HTR7: variants seen among roughly 807,000 people sequenced by gnomAD.
The protein encoded by HTR7 is 5-hydroxytryptamine receptor 7, also known as 5-HT-7.
In HTR7, 16 loss-of-function variants were observed where a neutral mutation model predicts 34.0. The observed-to-expected ratio is 0.47, with a 90% CI of 0.32 to 0.71. The LOEUF is 0.71. Among genes scored for constraint, HTR7 ranks in the 30% least tolerant of loss-of-function variants. The pLI is 0.04. For synonymous variants in HTR7, 265 were observed against 260.2 expected (o/e 1.02, Z -0.18); for missense variants, 504 against 625.5 (o/e 0.81, Z 2.07).
intron 1 of HTR7, among the ~76,000 whole-genome samples, chr10:90,797,539 C>T (rs1230059007): frequency 6.6e-6 from 1 of 152,172 alleles, no homozygotes; most frequent in African/African-American, 2.4e-5. Context: ...ACTTGAAGGC[C>T]TCTTTTCCAT....
intron 1 of HTR7, among the ~76,000 whole-genome samples, chr10:90,802,635 A>C (rs532414597): frequency 6.6e-6 from 1 of 152,270 alleles, no homozygotes; most frequent in African/African-American, 2.4e-5. Context: ...ATAGCGTTAT[A>C]GCTAGCCTTA....
rs536217524 is a variant in HTR7 at position 90,854,756 on chromosome 10, A to T, written c.539+2377T>A. Among the ~76,000 whole-genome samples, 260 of 152,334 alleles carry T rather than the reference A, an allele frequency of 1.7e-3. 2 individuals are homozygous for T. The highest frequency in any genetic ancestry group is 6.0e-3 in the African/African-American group (251 of 41,586). ...TGAAAGGTTCCATTTTAGACAGGCTAAATGCCCAACAGATATCCAAACTCT... is the reference window on the plus strand; with the variant it reads ...TGAAAGGTTCCATTTTAGACAGGCTTAATGCCCAACAGATATCCAAACTCT... On this transcript the variant is annotated intron_variant, in intron 1 of 3. Coordinates refer to ENST00000336152, the MANE Select transcript of HTR7 (RefSeq NM_019859.4).
rs375798993 is a variant in HTR7 at position 90,772,608 on chromosome 10, AGT to A, written c.540-23016_540-23015del. Among the ~76,000 whole-genome samples, 8 of 152,090 alleles carry A rather than the reference AGT, an allele frequency of 5.3e-5. No individual in the cohort carries two copies. The South Asian group carries it at 1.0e-3, about 20-fold the overall frequency. On this transcript the variant is annotated intron_variant, in intron 1 of 3. Coordinates refer to ENST00000336152, the MANE Select transcript of HTR7 (RefSeq NM_019859.4). ...CTAATAAACTTACCGTCCATTTCTAAGTGTGTGTGTGTGGTGAGGGCGTCATA... is the reference window on the plus strand; with the variant it reads ...CTAATAAACTTACCGTCCATTTCTAAGTGTGTGTGTGGTGAGGGCGTCATA...
At chr10:90,838,476 G>A (rs1212767963) in intron 1 of HTR7, among the ~76,000 whole-genome samples, 1 of 152,134 alleles carries the variant, frequency 6.6e-6, no homozygotes, top group Non-Finnish European at 1.5e-5. Context: ...TGGTCTCCAA[G>A]TTTTCATTCT....
rs1353376187 is a variant in HTR7 at position 90,857,764 on chromosome 10, C to T, written c.-93G>A. On this transcript the variant is annotated 5_prime_UTR_variant, in exon 1 of 4. Transcript: ENST00000336152. This position sits in a 1 kb window ranked among gnomAD's most constrained non-coding sequence, Gnocchi z 6.5. ...GGGCTTCACCTCACCGGTTCCGCTC[C>T]GCCCGGCCCAGCCATGGGGCCCGCG... The T allele has an allele frequency of 6.3e-6, 8 of 1,277,480 alleles. No homozygotes were observed. Among genetic ancestry groups the T allele is most frequent in the Non-Finnish European group, 8.1e-6 (8 of 993,244 alleles). 79.1% of individuals were successfully genotyped at this position (1,277,480 alleles called of 1,614,324 possible).
At chr10:90,787,297 G>A (rs926254920) in intron 1 of HTR7, among the ~76,000 whole-genome samples, 1 of 152,076 alleles carries the variant, frequency 6.6e-6, no homozygotes, top group African/African-American at 2.4e-5. Context: ...AGACCATCCT[G>A]GGCAATATGG....
chr10:90,804,710 C>T (rs1339873170), intron 1 of HTR7, among the ~76,000 whole-genome samples: 1 of 152,200 alleles, frequency 6.6e-6, no homozygotes, highest in Non-Finnish European at 1.5e-5. Context: ...GGTTAGCAGT[C>T]AGCTTCATTA....
intron 1 of HTR7, among the ~76,000 whole-genome samples, chr10:90,766,056 A>G (rs1037430113): frequency 1.3e-5 from 2 of 152,146 alleles, no homozygotes; most frequent in Admixed American, 6.5e-5. Flanking sequence ...AGTTCTGCTC[A>G]TATCTGGGGT....
chr10:90,796,726 A>C (rs777094562), intron 1 of HTR7, among the ~76,000 whole-genome samples: 23 of 152,156 alleles, frequency 1.5e-4, no homozygotes, highest in Admixed American at 3.3e-4. Context: ...ATGATTAAAA[A>C]ACAGACAAGG....
At chr10:90,773,459 TACAA>T (rs35209059) in intron 1 of HTR7, among the ~76,000 whole-genome samples, 34,806 of 151,988 alleles carry the variant, frequency 0.23, 4,198 homozygotes, top group African/African-American at 0.31. Flanking sequence ...TCTTTTGTGT[TACAA>T]ACAATCTACT....
At chr10:90,757,495 A>G (rs1334724035) in intron 1 of HTR7, among the ~76,000 whole-genome samples, 2 of 152,226 alleles carry the variant, frequency 1.3e-5, no homozygotes, top group African/African-American at 4.8e-5. Flanking sequence ...GAGTATTCAG[A>G]GTAAAGAGTA....
chr10:90,797,149 C>T (rs1006688106), intron 1 of HTR7, among the ~76,000 whole-genome samples: 1 of 152,130 alleles, frequency 6.6e-6, no homozygotes, highest in Non-Finnish European at 1.5e-5. Context: ...ATTTCTCCAA[C>T]ACTGGGTCCA....
chr10:90,793,009 T>C (rs1337310975), intron 1 of HTR7, among the ~76,000 whole-genome samples: 2 of 152,060 alleles, frequency 1.3e-5, no homozygotes, highest in African/African-American at 4.8e-5. Flanking sequence ...TTCTTGGATA[T>C]GACACCAAAG....
Position 90,857,577 on chromosome 10 carries a change from C to A in HTR7, c.95G>T (p.Ser32Ile), listed in dbSNP as rs1430164737. ...PEVGRGLPDLSPDGGADPVAG... is the reference protein window; with the variant it reads ...PEVGRGLPDLIPDGGADPVAG... Reference sequence around the variant, plus strand: ...GACCGGGTCGGCGCCACCGTCGGGGCTCAAGTCGGGCAGCCCGCGCCCCAC... The same window carrying A: ...GACCGGGTCGGCGCCACCGTCGGGGATCAAGTCGGGCAGCCCGCGCCCCAC... The change falls in exon 1 of 4, where the codon AGC becomes ATC. Residue 32 changes from serine to isoleucine, a missense_variant. Coordinates refer to ENST00000336152, the MANE Select transcript of HTR7 (RefSeq NM_019859.4). The surrounding 1 kb of genome is among the most constrained non-coding windows in gnomAD (Gnocchi z 6.5). The A allele has an allele frequency of 3.1e-6, 5 of 1,595,040 alleles. No homozygotes were observed. In the Admixed American group the frequency reaches 5.2e-5, roughly 17 times the overall value.
intron 2 of HTR7, among the ~76,000 whole-genome samples, chr10:90,745,261 A>G (rs1011059849): frequency 6.6e-6 from 1 of 152,170 alleles, no homozygotes; most frequent in Non-Finnish European, 1.5e-5. Context: ...AATAGATTCC[A>G]TGTCTGGTGA....
intron 1 of HTR7, among the ~76,000 whole-genome samples, chr10:90,753,862 G>C (rs753297703): frequency 3.9e-5 from 6 of 151,912 alleles, no homozygotes; most frequent in African/African-American, 1.5e-4. Flanking sequence ...ATAAGTAATA[G>C]AATATCATAT....
chr10:90,754,882 A>G (rs1046945723), intron 1 of HTR7, among the ~76,000 whole-genome samples: 5 of 152,234 alleles, frequency 3.3e-5, no homozygotes, highest in Admixed American at 2.6e-4. Context: ...AAGCGTTCAC[A>G]CACTTAGAAC....
chr10:90,850,099 AG>A (rs1387778292), intron 1 of HTR7, among the ~76,000 whole-genome samples: 1 of 152,248 alleles, frequency 6.6e-6, no homozygotes, highest in African/African-American at 2.4e-5. Context: ...GAGAGGCAAA[AG>A]TCAGAGGCCT....
At chr10:90,796,667 G>A (rs1258789952) in intron 1 of HTR7, among the ~76,000 whole-genome samples, 1 of 152,108 alleles carries the variant, frequency 6.6e-6, no homozygotes, top group East Asian at 1.9e-4. Context: ...AGCTATGATT[G>A]TGCCACTAGA....
Sources: allele counts gnomAD v4.1 joint callset (sites outside exome capture counted in the v4.1 genomes callset), GRCh38; gene constraint gnomAD v4.1.1; non-coding constraint Gnocchi (gnomAD v3.1); transcripts MANE v1.5; gene names NCBI Gene and HGNC (gene_info 2026-07-23, HGNC 2026-07-21).